Variants in OXNAD1 observed in about 807,000 individuals in gnomAD.
OXNAD1 encodes oxidoreductase NAD binding domain containing 1.
OXNAD1 carries 34 observed loss-of-function variants against 32.9 expected under a neutral mutation model. The ratio of observed to expected loss-of-function variants is 1.03; its 90% CI spans 0.79 to 1.38. The LOEUF (loss-of-function observed/expected upper bound fraction) is 1.38, where lower values mean the gene tolerates loss of function less well. OXNAD1 is among the 40% of genes most tolerant of loss of function. The pLI is 0.00. For synonymous variants in OXNAD1, 134 were observed against 135.2 expected (o/e 0.99, Z 0.06); for missense variants, 407 against 379.4 (o/e 1.07, Z -0.60).
rs1192274273 is a variant in OXNAD1, at chr3:16,320,758, G to A, written c.*31-16354G>A. Among the ~76,000 whole-genome samples, 1 of 152,224 alleles carries A rather than the reference G, an allele frequency of 6.6e-6. No individual in the cohort carries two copies. The highest frequency in any genetic ancestry group is 1.5e-5 in the Non-Finnish European group (1 of 68,038). ...AAGAACTGGAGGCCACAGAGGAGCT[G>A]GAGGCCACAGAGAATGGGAGGCTGG... On this transcript the variant is annotated intron_variant, in intron 9 of 9. Transcript: ENST00000435829. The surrounding 1 kb of genome is among the most constrained non-coding windows in gnomAD (Gnocchi z 4.5).
intron 9 of OXNAD1, among the ~76,000 whole-genome samples, chr3:16,333,529 A>G (rs1167355774): frequency 6.6e-6 from 1 of 152,244 alleles, no homozygotes; most frequent in Non-Finnish European, 1.5e-5. Context: ...CAGAAAAGAA[A>G]TAGATGCCTG....
At chr3:16,333,721 T>C (rs941298090) in intron 9 of OXNAD1, among the ~76,000 whole-genome samples, 10 of 152,052 alleles carry the variant, frequency 6.6e-5, no homozygotes, top group South Asian at 2.1e-4. Context: ...GCAGCTCATA[T>C]TACAGAAAAA....
intron 2 of OXNAD1, among the ~76,000 whole-genome samples, chr3:16,269,525 G>A (rs1404320357): frequency 6.6e-6 from 1 of 152,114 alleles, no homozygotes; most frequent in East Asian, 1.9e-4. Flanking sequence ...TATGATTTGG[G>A]TATAACCAAA....
chr3:16,347,755 A>G (rs1473887251), intron 9 of OXNAD1: 1 of 152,204 alleles, frequency 6.6e-6, no homozygotes, highest in African/African-American at 2.4e-5. Context: ...CACTGTAAGC[A>G]TTTTGTTTAA....
At chr3:16,331,944 T>C (rs1394804303) in intron 9 of OXNAD1, among the ~76,000 whole-genome samples, 1 of 152,238 alleles carries the variant, frequency 6.6e-6, no homozygotes, top group African/African-American at 2.4e-5. Context: ...GTACCTCTAG[T>C]AGTTTCTAGA....
Position 16,294,914 on chromosome 3 carries a change from C to G in OXNAD1, c.349C>G (p.Pro117Ala). Residue 117 changes from proline to alanine, a missense_variant, in exon 6 of 9, where the codon CCC becomes GCC. Physicochemically the swap from Pro to Ala is conservative, Grantham distance 27. Coordinates refer to ENST00000285083, the MANE Select transcript of OXNAD1 (RefSeq NM_138381.5). ...TGGTGGGTTTTCAATATGCTCCAGT[C>G]CCAGACTGCTAGAACAAGAGAGAGT... is the stretch of plus-strand genomic sequence containing the variant. ...VVGGFSICSS[P>A]RLLEQERVIE... 1 of 1,613,476 alleles carries G rather than the reference C, an allele frequency of 6.2e-7. No individual in the cohort carries two copies. The highest frequency in any genetic ancestry group is 8.5e-7 in the Non-Finnish European group (1 of 1,179,652).
chr3:16,277,222 T>C lies in OXNAD1; in HGVS notation c.183+5500T>C, dbSNP rs766362821. On this transcript the variant is annotated intron_variant, in intron 4 of 8. Transcript: ENST00000285083. This position sits in a 1 kb window ranked among gnomAD's most constrained non-coding sequence, Gnocchi z 4.3. ...GATTACAGGCATGAGCCACAGCTCC[T>C]GGCCCTCCTCTTCTGTTTCTAATTT... Among the ~76,000 whole-genome samples the C allele has an allele frequency of 6.6e-6, 1 of 152,136 alleles. No homozygotes were observed. The highest frequency in any genetic ancestry group is 1.5e-5 in the Non-Finnish European group (1 of 68,024).
Position 16,265,705 on chromosome 3 carries a change from T to C in OXNAD1, c.-159+200T>C. 1 of 195,106 alleles carries C rather than the reference T, an allele frequency of 5.1e-6. No homozygotes were observed. The highest frequency in any genetic ancestry group is 9.3e-6 in the Non-Finnish European group (1 of 107,336). 12.1% of individuals were successfully genotyped at this position (195,106 alleles called of 1,614,324 possible). A position where few individuals can be genotyped will look rare whatever the true frequency, so the allele number is the denominator to read the frequency against. ...GGAAGTTATGTGCCAGCTATTGCAC[T>C]AAGTGGAATTGTCAACTCTAGGAGT... On this transcript the variant is annotated intron_variant, in intron 1 of 8. Coordinates refer to ENST00000285083, the MANE Select transcript of OXNAD1 (RefSeq NM_138381.5). This position sits in a 1 kb window ranked among gnomAD's most constrained non-coding sequence, Gnocchi z 4.8.
intron 4 of OXNAD1, among the ~76,000 whole-genome samples, chr3:16,283,879 G>A (rs1559741479): frequency 4.6e-5 from 7 of 152,160 alleles, no homozygotes. Flanking sequence ...AATTCAGAGA[G>A]GTCAGGGAGG....
chr3:16,333,537 C>T (rs2070533244), intron 9 of OXNAD1, among the ~76,000 whole-genome samples: 1 of 152,098 alleles, frequency 6.6e-6, no homozygotes, highest in Non-Finnish European at 1.5e-5. Flanking sequence ...AAATAGATGC[C>T]TGTGTCCAAT....
intron 6 of OXNAD1, among the ~76,000 whole-genome samples, chr3:16,295,586 C>G (rs1370378324): frequency 6.6e-6 from 1 of 152,210 alleles, no homozygotes; most frequent in East Asian, 1.9e-4. Context: ...TACTAGAACT[C>G]TGATAACAAA....
At chr3:16,296,029 G>A (rs958427931) in intron 6 of OXNAD1, among the ~76,000 whole-genome samples, 1 of 152,116 alleles carries the variant, frequency 6.6e-6, no homozygotes, top group African/African-American at 2.4e-5. Context: ...GGAGTGGGGT[G>A]GGACTTACAG....
At chr3:16,307,073 C>A (rs1224687634), downstream of OXNAD1, among the ~76,000 whole-genome samples, 2 of 152,128 alleles carry the variant, frequency 1.3e-5, no homozygotes, top group African/African-American at 4.8e-5. Flanking sequence ...GCTTTGATTC[C>A]CCTGAAATGA....
chr3:16,317,083 A>G lies in OXNAD1; in HGVS notation c.*30+13491A>G. 3.1e-6 allele frequency: 5 copies of G among 1,613,708 alleles called. No homozygotes were observed. The highest frequency in any genetic ancestry group is 3.4e-6 in the Non-Finnish European group (4 of 1,179,956). ...CACCCTCCTGCTGCTGTCCTGAAAC[A>G]CAGTTTCCCATGTCTCCAGCTTTGG... On this transcript the variant is annotated intron_variant, in intron 9 of 9. Transcript: ENST00000435829. The surrounding 1 kb of genome is among the most constrained non-coding windows in gnomAD (Gnocchi z 4.3).
chr3:16,297,386 C>T lies in OXNAD1; in HGVS notation c.432+2389C>T, dbSNP rs2066872978. Among the ~76,000 whole-genome samples, 2 of 152,136 alleles carry T rather than the reference C, an allele frequency of 1.3e-5. No individual in the cohort carries two copies. The highest frequency in any genetic ancestry group is 2.9e-5 in the Non-Finnish European group (2 of 68,022). ...GAGCAACTGGAACTCTCATATATTG[C>T]TTATATTGCTAGTGGGAATGCAAAA... On this transcript the variant is annotated intron_variant, in intron 6 of 8. Transcript: ENST00000285083. The surrounding 1 kb of genome is among the most constrained non-coding windows in gnomAD (Gnocchi z 4.3).
At position 16,276,446 on chromosome 3, in the gene OXNAD1, C is replaced by G. The variant is rs993550101; in HGVS notation, c.183+4724C>G. ...AAATATCAAATCCCCCGTCTGATGTCAAGAGAGTCAGGAGTGAAATGGTCA... is the reference window on the plus strand; with the variant it reads ...AAATATCAAATCCCCCGTCTGATGTGAAGAGAGTCAGGAGTGAAATGGTCA... On this transcript the variant is annotated intron_variant, in intron 4 of 8. Coordinates refer to ENST00000285083, the MANE Select transcript of OXNAD1 (RefSeq NM_138381.5). 6 of 202,072 alleles carry G rather than the reference C, an allele frequency of 3.0e-5. No homozygotes were observed. The South Asian group carries it at 3.7e-4, about 12-fold the overall frequency. 12.5% of individuals were successfully genotyped at this position (202,072 alleles called of 1,614,324 possible).
chr3:16,286,600 G>C, intron 5 of OXNAD1, 152 bp downstream of exon 5: 1 of 684,124 alleles, frequency 1.5e-6, no homozygotes, highest in Non-Finnish European at 2.4e-6. Context: ...TGTTGGCACA[G>C]AGGATCTGAT....
chr3:16,328,988 A>G (rs690606), intron 9 of OXNAD1, among the ~76,000 whole-genome samples: 98,750 of 152,148 alleles, frequency 0.65, 32,294 homozygotes, highest in Middle Eastern at 0.68. Flanking sequence ...GTTTGAATGT[A>G]TCCCCCAAAA....
In OXNAD1 at chr3:16,305,286, G is replaced by T. The variant is rs9852706; in HGVS notation, c.*1724G>T. 0.082 allele frequency: 12,521 copies of T among 152,196 alleles called. 1,687 individuals carry two copies. Among genetic ancestry groups the T allele is most frequent in the African/African-American group, 0.29 (11,833 of 41,384 alleles). 9.4% of individuals were successfully genotyped at this position (152,196 alleles called of 1,614,324 possible). ...GTGCAAAGTGAGCATCTCCAGTGCA[G>T]CATGGGATGGGAAGATAGGGAGGTG... On this transcript the variant is annotated 3_prime_UTR_variant, in exon 9 of 9. Transcript: ENST00000285083. This position sits in a 1 kb window ranked among gnomAD's most constrained non-coding sequence, Gnocchi z 4.5.
Sources: allele counts gnomAD v4.1 joint callset (sites outside exome capture counted in the v4.1 genomes callset), GRCh38; gene constraint gnomAD v4.1.1; non-coding constraint Gnocchi (gnomAD v3.1); transcripts MANE v1.5; gene names NCBI Gene and HGNC (gene_info 2026-07-23, HGNC 2026-07-21).